Variants in SPINK9 observed in about 807,000 individuals in gnomAD.
The protein encoded by SPINK9 is serine peptidase inhibitor Kazal type 9.
A neutral mutation model predicts 10.8 loss-of-function variants in SPINK9; 3 were observed. That is an observed-to-expected ratio of 0.28 (90% CI 0.13 to 0.72). SPINK9 has a LOEUF of 0.72. SPINK9 is among the 30% of genes least tolerant of loss of function. The pLI is 0.74. For missense variants in SPINK9, 101 were observed against 103.2 expected, an observed-to-expected ratio of 0.98 and a Z score of 0.09; for synonymous variants, 30 against 31.2, an observed-to-expected ratio of 0.96 and a Z score of 0.12.
intron 2 of SPINK9, among the ~76,000 whole-genome samples, chr5:148,328,916 T>G (rs543861358): frequency 6.1e-4 from 93 of 152,356 alleles, no homozygotes; most frequent in African/African-American, 2.2e-3. Flanking sequence ...AGTATTTTAT[T>G]GAGGATTTTT....
intron 2 of SPINK9, among the ~76,000 whole-genome samples, chr5:148,337,944 A>T (rs79026008): frequency 0.029 from 4,383 of 152,220 alleles, 202 homozygotes; most frequent in African/African-American, 0.099. Context: ...TCCCAACTAC[A>T]ATATTAAGAT....
At chr5:148,327,742 G>A (rs1291677850) in intron 2 of SPINK9, among the ~76,000 whole-genome samples, 1 of 151,314 alleles carries the variant, frequency 6.6e-6, no homozygotes, top group Non-Finnish European at 1.5e-5. Flanking sequence ...AGTTTTCCCA[G>A]CACCATTTAT....
chr5:148,332,533 T>C (rs959116514), upstream of SPINK9, among the ~76,000 whole-genome samples: 3 of 152,278 alleles, frequency 2.0e-5, no homozygotes, highest in Middle Eastern at 3.4e-3. Context: ...ATCTGGAAGA[T>C]TATAATTGGA....
chr5:148,329,288 T>C (rs1448625144), intron 2 of SPINK9, among the ~76,000 whole-genome samples: 1 of 152,226 alleles, frequency 6.6e-6, no homozygotes, highest in African/African-American at 2.4e-5. Flanking sequence ...CTAGTTTATT[T>C]GCTTAGAGGT....
chr5:148,323,610 T>C (rs1726414562), intron 1 of SPINK9: 4 of 513,218 alleles, frequency 7.8e-6, no homozygotes, highest in Non-Finnish European at 1.4e-5. Flanking sequence ...CATTCCCACA[T>C]GGGAAGCTGC....
At chr5:148,323,899 T>C in intron 2 of SPINK9, 1 of 679,974 alleles carries the variant, frequency 1.5e-6, no homozygotes, top group Non-Finnish European at 2.7e-6. Context: ...ATTTAATGTG[T>C]ATCTAAAGTA....
chr5:148,331,643 AT>A (rs938384394), upstream of SPINK9, among the ~76,000 whole-genome samples: 10 of 152,362 alleles, frequency 6.6e-5, no homozygotes, highest in South Asian at 4.1e-4. Context: ...CTCCAAAAAA[AT>A]GATAAGTATT....
chr5:148,328,159 G>A (rs1206099341), intron 2 of SPINK9, among the ~76,000 whole-genome samples: 19 of 152,212 alleles, frequency 1.2e-4, no homozygotes, highest in African/African-American at 3.9e-4. Context: ...TCTTCCATTT[G>A]TTTGTATCCT....
At chr5:148,334,410 A>C (rs1310739688), upstream of SPINK9, among the ~76,000 whole-genome samples, 1 of 152,180 alleles carries the variant, frequency 6.6e-6, no homozygotes, top group Non-Finnish European at 1.5e-5. Flanking sequence ...AAGTTTGATC[A>C]AGAAGATAAG....
upstream of SPINK9, among the ~76,000 whole-genome samples, chr5:148,334,944 C>T (rs1257342163): frequency 6.6e-6 from 1 of 152,120 alleles, no homozygotes; most frequent in Non-Finnish European, 1.5e-5. Flanking sequence ...GTGCAAGATT[C>T]CCAAAGTTTC....
chr5:148,329,868 G>T (rs902509934), intron 2 of SPINK9, among the ~76,000 whole-genome samples: 4 of 152,166 alleles, frequency 2.6e-5, no homozygotes, highest in African/African-American at 9.7e-5. Context: ...TGGTCTGAGA[G>T]ACAGTTTGTT....
At chr5:148,337,629 T>G (rs1270963735) in intron 2 of SPINK9, among the ~76,000 whole-genome samples, 1 of 152,216 alleles carries the variant, frequency 6.6e-6, no homozygotes, top group Non-Finnish European at 1.5e-5. Context: ...ATTGTGCCTA[T>G]TATTCATTCA....
At chr5:148,326,690 T>A (rs964539040) in intron 2 of SPINK9, among the ~76,000 whole-genome samples, 6 of 148,460 alleles carry the variant, frequency 4.0e-5, no homozygotes, top group East Asian at 2.1e-4. Context: ...CAGTCCCCGG[T>A]GTGTGATGTT....
upstream of SPINK9, among the ~76,000 whole-genome samples, chr5:148,333,986 T>C (rs1757183765): frequency 6.6e-6 from 1 of 152,142 alleles, no homozygotes; most frequent in South Asian, 2.1e-4. Context: ...GTGATTCCTT[T>C]AATTCTAATA....
In SPINK9 at chr5:148,336,443, C is replaced by G. The variant is rs762331307; in HGVS notation, c.77C>G (p.Thr26Arg). 1.2e-6 allele frequency: 2 copies of G among 1,613,340 alleles called. No individual in the cohort carries two copies. Among genetic ancestry groups the G allele is most frequent in the South Asian group, 2.2e-5 (2 of 91,028 alleles). ...CCAGGTATAGAATGTGCCAAACAGACGAAACAGATGGTCAGTACACCCATC... is the reference window on the plus strand; with the variant it reads ...CCAGGTATAGAATGTGCCAAACAGAGGAAACAGATGGTCAGTACACCCATC... Reference protein sequence around the residue: ...TMFSIECAKQTKQMVDCSHYK... With the variant: ...TMFSIECAKQRKQMVDCSHYK... The change falls in exon 2 of 4, where the codon ACG (threonine) becomes AGG (arginine). Residue 26 changes from threonine (T) to arginine (R), a missense_variant. By Grantham distance (71) the Thr-to-Arg change is moderately conservative (BLOSUM62 -1). Coordinates refer to ENST00000377906, the MANE Select transcript of SPINK9 (RefSeq NM_001040433.2).
At chr5:148,333,404 G>GC (rs1461362055), upstream of SPINK9, among the ~76,000 whole-genome samples, 1 of 152,242 alleles carries the variant, frequency 6.6e-6, no homozygotes, top group Admixed American at 6.5e-5. Context: ...TACAGCAGCA[G>GC]CACAGCTACT....
At chr5:148,327,746 C>T (rs1431775176) in intron 2 of SPINK9, among the ~76,000 whole-genome samples, 27 of 151,530 alleles carry the variant, frequency 1.8e-4, no homozygotes, top group African/African-American at 6.5e-4. Context: ...TTCCCAGCAC[C>T]ATTTATTAAA....
chr5:148,324,725 A>ATTG (rs1757037562), intron 2 of SPINK9, among the ~76,000 whole-genome samples: 1 of 151,960 alleles, frequency 6.6e-6, no homozygotes, highest in East Asian at 1.9e-4. Flanking sequence ...TATTATTATT[A>ATTG]TTATTAATGG....
chr5:148,323,524 A>G (rs1049655053), intron 1 of SPINK9, among the ~76,000 whole-genome samples: 1 of 152,230 alleles, frequency 6.6e-6, no homozygotes, highest in Non-Finnish European at 1.5e-5. Flanking sequence ...AATGGAATTT[A>G]TAAGTATTTC....
Sources: gnomAD v4.1 joint callset for allele counts (sites outside exome capture counted in the v4.1 genomes callset) on GRCh38, gnomAD v4.1.1 for gene constraint, MANE v1.5 for transcripts, NCBI Gene and HGNC (gene_info 2026-07-23, HGNC 2026-07-21) for gene names.